Variants in GRIN2B observed in about 807,000 individuals in gnomAD.
The protein encoded by GRIN2B is glutamate receptor ionotropic, NMDA 2B.
In GRIN2B, 5 loss-of-function variants were observed where a neutral mutation model predicts 114.5. The observed-to-expected ratio is 0.04, with a 90% CI of 0.02 to 0.09. The LOEUF is 0.09. GRIN2B is among the 10% of genes least tolerant of loss of function. The pLI is 1.00. For synonymous variants in GRIN2B, 787 were observed against 745.1 expected (o/e 1.06, Z -0.92); for missense variants, 1,108 against 1,943.5 (o/e 0.57, Z 8.08).
intron 3 of GRIN2B, among the ~76,000 whole-genome samples, chr12:13,824,172 T>TCCCC (rs1864988952): frequency 6.6e-6 from 1 of 152,190 alleles, no homozygotes; most frequent in African/African-American, 2.4e-5. Flanking sequence ...CCCCTTCTAT[T>TCCCC]TCCTGGAAGA....
chr12:13,968,024 C>G (rs1867816046), intron 2 of GRIN2B, among the ~76,000 whole-genome samples: 1 of 152,214 alleles, frequency 6.6e-6, no homozygotes, highest in African/African-American at 2.4e-5. Context: ...TAGTTTTGCT[C>G]TCCTTTCTGA....
chr12:13,568,366 C>A (rs1948667421), intron 12 of GRIN2B, among the ~76,000 whole-genome samples: 1 of 152,162 alleles, frequency 6.6e-6, no homozygotes, highest in African/African-American at 2.4e-5. Flanking sequence ...TTGAACTTTG[C>A]TTGCATAATC....
intron 3 of GRIN2B, among the ~76,000 whole-genome samples, chr12:13,795,830 G>A (rs780917626): frequency 1.2e-4 from 18 of 152,052 alleles, no homozygotes; most frequent in Non-Finnish European, 2.4e-4. Flanking sequence ...ACTATCACAA[G>A]GACAGAAAAC....
intron 3 of GRIN2B, among the ~76,000 whole-genome samples, chr12:13,756,923 T>G (rs1456346091): frequency 6.6e-6 from 1 of 152,186 alleles, no homozygotes; most frequent in African/African-American, 2.4e-5. Context: ...CAGTTGCAAG[T>G]AGCTTGTAAA....
chr12:13,681,245 T>G (rs1288006073), intron 4 of GRIN2B, among the ~76,000 whole-genome samples: 2 of 152,118 alleles, frequency 1.3e-5, no homozygotes. Context: ...AGAGAAGAGA[T>G]AGCATCTCAT....
At position 13,692,760 on chromosome 12, in the gene GRIN2B, C is replaced by CTTTCTTTTTTTTTTTT. The variant is rs1427827056; in HGVS notation, c.1011-16902_1011-16901insAAAAAAAAAAAAGAAA. On this transcript the variant is annotated intron_variant, in intron 4 of 13. Transcript: ENST00000609686. ...ACTTATTTTCATTAATCTTTCTTTT[C>CTTTCTTTTTTTTTTTT]TTTTTTTTTTTTTTTTTTTTTTTTT... is the stretch of plus-strand genomic sequence containing the variant. 5.7e-3 allele frequency among the ~76,000 whole-genome samples: 298 copies of CTTTCTTTTTTTTTTTT among 52,022 alleles called. 41 individuals carry two copies. The highest frequency in any genetic ancestry group is 0.011 in the Middle Eastern group (1 of 88). The allele number at this position is 52,022 out of a possible 152,430, so 34.1% of individuals were successfully genotyped here. A position where few individuals can be genotyped will look rare whatever the true frequency, so the allele number is the denominator to read the frequency against.
chr12:13,603,226 G>A (rs1949187867), intron 10 of GRIN2B, among the ~76,000 whole-genome samples: 1 of 152,188 alleles, frequency 6.6e-6, no homozygotes, highest in Non-Finnish European at 1.5e-5. Flanking sequence ...ATTAAATAAA[G>A]TGCAAATGTT....
chr12:13,704,461 C>G (rs1950341051), intron 4 of GRIN2B, among the ~76,000 whole-genome samples: 1 of 152,162 alleles, frequency 6.6e-6, no homozygotes, highest in South Asian at 2.1e-4. Context: ...ACAGATTTCT[C>G]TAACTCTGCA....
chr12:13,933,465 C>T (rs1867075540), intron 2 of GRIN2B, among the ~76,000 whole-genome samples: 1 of 152,200 alleles, frequency 6.6e-6, no homozygotes, highest in African/African-American at 2.4e-5. Flanking sequence ...TTCCCCCAGA[C>T]ATCTCCTTGA....
In GRIN2B at chr12:13,753,991, A is replaced by C; in HGVS notation, c.412-76T>G. On this transcript the variant is annotated intron_variant, in intron 3 of 13. Coordinates refer to ENST00000609686, the MANE Select transcript of GRIN2B (RefSeq NM_000834.5). This position sits in a 1 kb window ranked among gnomAD's most constrained non-coding sequence, Gnocchi z 6.2. ...AGATGGTAATGGAGATTTTGAACCAAGTGGGTACAAAGATTTGTGTTCATT... is the reference window on the plus strand; with the variant it reads ...AGATGGTAATGGAGATTTTGAACCACGTGGGTACAAAGATTTGTGTTCATT... The C allele has an allele frequency of 1.2e-6, 1 of 865,490 alleles. No individual in the cohort carries two copies. The highest frequency in any genetic ancestry group is 1.9e-6 in the Non-Finnish European group (1 of 512,824). The allele number at this position is 865,490 out of a possible 1,614,324, so 53.6% of individuals were successfully genotyped here.
chr12:13,627,428 A>T (rs1949578937), intron 5 of GRIN2B, among the ~76,000 whole-genome samples: 1 of 152,214 alleles, frequency 6.6e-6, no homozygotes, highest in Non-Finnish European at 1.5e-5. Flanking sequence ...AATTAAATAA[A>T]ATAATGTACA....
intron 3 of GRIN2B, among the ~76,000 whole-genome samples, chr12:13,761,599 A>G (rs1196950914): frequency 1.3e-5 from 2 of 152,230 alleles, no homozygotes. Flanking sequence ...CGGGACCACT[A>G]AAATCTTAAC....
chr12:13,584,144 A>C (rs1049859791), intron 10 of GRIN2B, among the ~76,000 whole-genome samples: 2 of 152,090 alleles, frequency 1.3e-5, no homozygotes, highest in African/African-American at 4.8e-5. Flanking sequence ...CTCCTCCCTC[A>C]CCCACTCCTC....
chr12:13,911,977 A>T (rs564870500), intron 2 of GRIN2B, among the ~76,000 whole-genome samples: 40 of 152,272 alleles, frequency 2.6e-4, no homozygotes, highest in South Asian at 8.3e-4. Flanking sequence ...AAGCAGCCAC[A>T]CTCGGGGCCA....
rs547790424 is a variant in GRIN2B, at chr12:13,543,911, C to T, written c.*18872G>A. 1 of 135,130 alleles carries T rather than the reference C, an allele frequency of 7.4e-6. No individual in the cohort carries two copies. Among genetic ancestry groups the T allele is most frequent in the Admixed American group, 7.8e-5 (1 of 12,824 alleles). 8.4% of individuals were successfully genotyped at this position (135,130 alleles called of 1,614,324 possible). On this transcript the variant is annotated 3_prime_UTR_variant, in exon 14 of 14. Coordinates refer to ENST00000609686, the MANE Select transcript of GRIN2B (RefSeq NM_000834.5). ...ACCTGGTTAGTCCCCTGAAGCCAGT[C>T]CCTCTATGTTTGTATTGAATCCCAT...
intron 2 of GRIN2B, among the ~76,000 whole-genome samples, chr12:13,887,374 A>T (rs1441712723): frequency 6.6e-6 from 1 of 152,180 alleles, no homozygotes; most frequent in Non-Finnish European, 1.5e-5. Flanking sequence ...CATATTTTTC[A>T]ATACTTTTGT....
At chr12:13,808,153 C>A (rs61912157) in intron 3 of GRIN2B, among the ~76,000 whole-genome samples, 1 of 151,910 alleles carries the variant, frequency 6.6e-6, no homozygotes, top group Non-Finnish European at 1.5e-5. Flanking sequence ...GGGACAATAG[C>A]GGACATTCTC....
intron 2 of GRIN2B, among the ~76,000 whole-genome samples, chr12:13,925,838 C>G (rs973600150): frequency 1.3e-5 from 2 of 152,076 alleles, no homozygotes; most frequent in East Asian, 1.9e-4. Flanking sequence ...ATAAGTACTG[C>G]GAATGACCTA....
chr12:13,883,613 T>C (rs545007832), intron 2 of GRIN2B, among the ~76,000 whole-genome samples: 3 of 152,280 alleles, frequency 2.0e-5, no homozygotes, highest in African/African-American at 7.2e-5. Flanking sequence ...GTAGTGCTTG[T>C]TCACATCTTC....
Sources: gnomAD v4.1 joint callset for allele counts (sites outside exome capture counted in the v4.1 genomes callset) on GRCh38, gnomAD v4.1.1 for gene constraint, Gnocchi (gnomAD v3.1) non-coding constraint, MANE v1.5 for transcripts, NCBI Gene and HGNC (gene_info 2026-07-23, HGNC 2026-07-21) for gene names.